SLC10A7: variants seen among roughly 807,000 people sequenced by gnomAD.
SLC10A7 encodes solute carrier family 10 member 7, also known as sodium/bile acid cotransporter 7.
In SLC10A7, 29 loss-of-function variants were observed where a neutral mutation model predicts 43.2. The ratio of observed to expected loss-of-function variants is 0.67; its 90% CI spans 0.50 to 0.92. The LOEUF is 0.92. Ranked by LOEUF, SLC10A7 falls within the 40% of genes least tolerant of loss-of-function variation. SLC10A7 has a pLI of 0.00. For synonymous variants in SLC10A7, 152 were observed against 144.8 expected (o/e 1.05, Z -0.35); for missense variants, 295 against 403.2 (o/e 0.73, Z 2.30).
chr4:146,473,693 A>G (rs998810472), intron 4 of SLC10A7, among the ~76,000 whole-genome samples: 1 of 152,092 alleles, frequency 6.6e-6, no homozygotes, highest in Non-Finnish European at 1.5e-5. Context: ...CTAGGGAAAC[A>G]TTTTCTACTA....
In SLC10A7 at chr4:146,268,264, A is replaced by G. The variant is rs183296598; in HGVS notation, c.848-9427T>C. On this transcript the variant is annotated intron_variant, in intron 10 of 11. Transcript: ENST00000335472. ...TAGATGTTTATGTAAAACTTTCCTA[A>G]GAGACTTGGCCTTCCCTCATATTTC... 1.8e-3 allele frequency among the ~76,000 whole-genome samples: 273 copies of G among 152,286 alleles called. 3 individuals carry two copies. The highest frequency in any genetic ancestry group is 6.1e-3 in the African/African-American group (255 of 41,578).
intron 3 of SLC10A7, among the ~76,000 whole-genome samples, chr4:146,504,518 CAA>C (rs5862761): frequency 0.012 from 1,044 of 88,570 alleles, 6 homozygotes; most frequent in African/African-American, 0.038. Flanking sequence ...GACTCCGTCT[CAA>C]AAAAAAAAAA....
intron 5 of SLC10A7, among the ~76,000 whole-genome samples, chr4:146,341,701 T>C (rs535868235): frequency 3.3e-5 from 5 of 151,918 alleles, no homozygotes; most frequent in Admixed American, 3.3e-4. Flanking sequence ...CTCTGCCTTC[T>C]TGGGGCTTAC....
intron 5 of SLC10A7, among the ~76,000 whole-genome samples, chr4:146,355,621 A>G (rs1033999370): frequency 2.0e-4 from 31 of 152,032 alleles, no homozygotes; most frequent in Non-Finnish European, 1.5e-5. Context: ...TCACAATAGC[A>G]AAGACTTGGA....
chr4:146,471,805 T>C (rs1369917721), intron 4 of SLC10A7, among the ~76,000 whole-genome samples: 4 of 152,304 alleles, frequency 2.6e-5, no homozygotes, highest in East Asian at 1.9e-4. Context: ...ACTTAATTAG[T>C]AGAGCCTGCA....
At chr4:146,429,983 C>T (rs1351151645) in intron 5 of SLC10A7, among the ~76,000 whole-genome samples, 1 of 151,380 alleles carries the variant, frequency 6.6e-6, no homozygotes, top group Non-Finnish European at 1.5e-5. Context: ...CTGAACTATA[C>T]AAAAAAAATC....
chr4:146,406,654 C>T (rs1033489009), intron 5 of SLC10A7, among the ~76,000 whole-genome samples: 1 of 152,152 alleles, frequency 6.6e-6, no homozygotes, highest in East Asian at 1.9e-4. Context: ...CAGCCATCTG[C>T]TCAATGCCTA....
intron 10 of SLC10A7, among the ~76,000 whole-genome samples, chr4:146,273,305 C>A (rs1729005700): frequency 6.6e-6 from 1 of 152,100 alleles, no homozygotes; most frequent in Admixed American, 6.6e-5. Flanking sequence ...ATCACTCAGG[C>A]TGAGCAAGCA....
chr4:146,345,851 T>C (rs1032681928), intron 5 of SLC10A7, among the ~76,000 whole-genome samples: 2 of 152,132 alleles, frequency 1.3e-5, no homozygotes, highest in Non-Finnish European at 2.9e-5. Flanking sequence ...AGGTATTATT[T>C]ATTAAGCATT....
At chr4:146,491,064 T>C (rs970816567) in intron 4 of SLC10A7, among the ~76,000 whole-genome samples, 1 of 152,142 alleles carries the variant, frequency 6.6e-6, no homozygotes, top group Admixed American at 6.5e-5. Context: ...AAACACAGTA[T>C]TGTGAATGGA....
chr4:146,494,324 G>A (rs565438431), intron 4 of SLC10A7, among the ~76,000 whole-genome samples: 9 of 152,240 alleles, frequency 5.9e-5, no homozygotes, highest in East Asian at 1.9e-4. Flanking sequence ...AAGGTCAGGC[G>A]GCCTATCAGC....
At chr4:146,368,728 G>A (rs2149774852) in intron 5 of SLC10A7, among the ~76,000 whole-genome samples, 1 of 152,198 alleles carries the variant, frequency 6.6e-6, no homozygotes, top group African/African-American at 2.4e-5. Flanking sequence ...TCTGTCACAA[G>A]TGAAAGTTCT....
At chr4:146,301,209 T>A (rs1731138144) in intron 7 of SLC10A7, among the ~76,000 whole-genome samples, 2 of 152,202 alleles carry the variant, frequency 1.3e-5, no homozygotes, top group African/African-American at 4.8e-5. Flanking sequence ...GAGGCCAGTC[T>A]AGGTCACAGC....
intron 3 of SLC10A7, among the ~76,000 whole-genome samples, chr4:146,508,169 C>T (rs1486338463): frequency 1.3e-5 from 2 of 152,112 alleles, no homozygotes; most frequent in Non-Finnish European, 2.9e-5. Flanking sequence ...TCTACGAGTA[C>T]CCAACCTTTG....
intron 5 of SLC10A7, among the ~76,000 whole-genome samples, chr4:146,373,141 T>G (rs542579952): frequency 6.6e-6 from 1 of 152,306 alleles, no homozygotes; most frequent in Admixed American, 6.5e-5. Flanking sequence ...AGCAAAAGGC[T>G]GATTACAAGT....
chr4:146,503,986 A>G (rs1179842737), intron 3 of SLC10A7, 62 bp from the exon 4 acceptor site: 5 of 1,346,686 alleles, frequency 3.7e-6, no homozygotes, highest in Non-Finnish European at 5.3e-6. Flanking sequence ...CTTTCACTAC[A>G]TTCATTCTAA....
chr4:146,330,337 G>C (rs75178734), intron 5 of SLC10A7, among the ~76,000 whole-genome samples: 1 of 152,162 alleles, frequency 6.6e-6, no homozygotes, highest in Non-Finnish European at 1.5e-5. Flanking sequence ...AATAGAAAAT[G>C]TTATCAAGAG....
At chr4:146,500,157 T>C (rs1736265088) in intron 4 of SLC10A7, among the ~76,000 whole-genome samples, 1 of 152,212 alleles carries the variant, frequency 6.6e-6, no homozygotes, top group Non-Finnish European at 1.5e-5. Context: ...TCCAGCTATC[T>C]GCCAATTTCA....
At chr4:146,262,049 A>G (rs576825495) in intron 10 of SLC10A7, among the ~76,000 whole-genome samples, 3 of 152,146 alleles carry the variant, frequency 2.0e-5, no homozygotes, top group African/African-American at 7.2e-5. Context: ...TGCTCTATGG[A>G]CTTAAAATTT....
Sources: gnomAD v4.1 joint callset for allele counts (sites outside exome capture counted in the v4.1 genomes callset) on GRCh38, gnomAD v4.1.1 for gene constraint, MANE v1.5 for transcripts, NCBI Gene and HGNC (gene_info 2026-07-23, HGNC 2026-07-21) for gene names.